The following TBL1X variants were observed in gnomAD, a reference collection of about 807,000 sequenced individuals.
The protein encoded by TBL1X is F-box-like/WD repeat-containing protein TBL1X.
A neutral mutation model predicts 50.7 loss-of-function variants in TBL1X; 10 were observed. The ratio of observed to expected loss-of-function variants is 0.20; its 90% CI spans 0.12 to 0.33. The LOEUF is 0.33. Ranked by LOEUF, TBL1X falls within the 10% of genes least tolerant of loss-of-function variation. The pLI is 1.00. For synonymous variants in TBL1X, 190 were observed against 214.7 expected (o/e 0.88, Z 1.01); for missense variants, 340 against 504.4 (o/e 0.67, Z 3.12).
intron 2 of TBL1X, among the ~76,000 whole-genome samples, chrX:9,523,960 CTTTTTTTTTT>C (rs63038662): frequency 2.5e-5 from 1 of 40,790 alleles, no homozygotes; most frequent in Admixed American, 3.9e-4. Context: ...TCATTTTAAC[CTTTTTTTTTT>C]TTTTTTTTTT....
chrX:9,699,254 A>T (rs1343025745), intron 12 of TBL1X, among the ~76,000 whole-genome samples: 1 of 111,172 alleles, frequency 9.0e-6, no homozygotes, highest in Admixed American at 9.5e-5. Flanking sequence ...ATGATTCTTC[A>T]TTTTCTTTCC....
chrX:9,701,569 TAAAAAAAAAAAAAAAAAAAA>T (rs63287561), intron 12 of TBL1X, among the ~76,000 whole-genome samples: 1 of 47,035 alleles, frequency 2.1e-5, no homozygotes, highest in African/African-American at 8.6e-5. Context: ...CTTGATGAGC[TAAAAAAAAAAAAAAAAAAAA>T]AAAAAAAGAA....
chrX:9,475,974 A>G (rs2081847203), intron 1 of TBL1X, among the ~76,000 whole-genome samples: 1 of 112,365 alleles, frequency 8.9e-6, no homozygotes, highest in Non-Finnish European at 1.9e-5. Context: ...ATTTCCGTGT[A>G]CCAGCAGGAT....
intron 2 of TBL1X, among the ~76,000 whole-genome samples, chrX:9,584,729 G>A (rs1244152734): frequency 8.9e-6 from 1 of 112,186 alleles, no homozygotes; most frequent in African/African-American, 3.2e-5. Context: ...ATTCATATAT[G>A]CTACATTGTG....
At chrX:9,712,437 A>G (rs1014713791) in intron 16 of TBL1X, among the ~76,000 whole-genome samples, 25 of 112,434 alleles carry the variant, frequency 2.2e-4, no homozygotes, top group Non-Finnish European at 3.8e-4. Context: ...TCCCAGATTC[A>G]AGCAAGTCTC....
At chrX:9,533,624 A>G (rs1396205958) in intron 2 of TBL1X, among the ~76,000 whole-genome samples, 1 of 111,104 alleles carries the variant, frequency 9.0e-6, no homozygotes, top group Non-Finnish European at 1.9e-5. Context: ...TTCCAAGGCA[A>G]AGAGGGACCT....
At chrX:9,529,966 A>G (rs993826952) in intron 2 of TBL1X, among the ~76,000 whole-genome samples, 1 of 110,615 alleles carries the variant, frequency 9.0e-6, no homozygotes, top group Non-Finnish European at 1.9e-5. Flanking sequence ...AGAAAGAGAG[A>G]AAGAAACCTC....
intron 2 of TBL1X, among the ~76,000 whole-genome samples, chrX:9,561,252 T>A (rs890849694): frequency 3.6e-5 from 4 of 111,857 alleles, no homozygotes; most frequent in African/African-American, 1.3e-4. Flanking sequence ...AGGGTAAGAA[T>A]CAGAAAGTTG....
At chrX:9,705,739 A>AAAAG (rs2083203437) in intron 13 of TBL1X, among the ~76,000 whole-genome samples, 5 of 109,934 alleles carry the variant, frequency 4.5e-5, no homozygotes, top group African/African-American at 1.3e-4. Flanking sequence ...AAAAAAAAAA[A>AAAAG]AAAAGAAAAG....
chrX:9,464,253 C>T (rs2081755059), upstream of TBL1X, among the ~76,000 whole-genome samples: 1 of 111,113 alleles, frequency 9.0e-6, no homozygotes, highest in Non-Finnish European at 1.9e-5. Flanking sequence ...AAGCACTTTG[C>T]AAGGGCCAGA....
At chrX:9,560,538 A>G (rs1208136011) in intron 2 of TBL1X, 4 of 112,477 alleles carry the variant, frequency 3.6e-5, no homozygotes. Context: ...TTAGCTCTGC[A>G]TGGACAGCTG....
At chrX:9,665,984 G>A (rs1195209210) in intron 5 of TBL1X, among the ~76,000 whole-genome samples, 4 of 111,518 alleles carry the variant, frequency 3.6e-5, no homozygotes, top group Non-Finnish European at 1.9e-5. Flanking sequence ...AGAGAAGCAT[G>A]CTGTCAGCCA....
intron 2 of TBL1X, among the ~76,000 whole-genome samples, chrX:9,528,474 G>T (rs1284159150): frequency 9.1e-6 from 1 of 110,320 alleles, no homozygotes; most frequent in Non-Finnish European, 1.9e-5. Flanking sequence ...GGAAGGAAGT[G>T]TCTCTGAAAT....
intron 2 of TBL1X, among the ~76,000 whole-genome samples, chrX:9,543,104 C>T (rs2082223495): frequency 8.9e-6 from 1 of 112,610 alleles, no homozygotes; most frequent in Non-Finnish European, 1.9e-5. Context: ...CAGCTTGAGA[C>T]GCACAGGGTG....
chrX:9,596,166 A>T (rs2082525632), intron 2 of TBL1X, among the ~76,000 whole-genome samples: 1 of 112,374 alleles, frequency 8.9e-6, no homozygotes, highest in Admixed American at 9.4e-5. Flanking sequence ...AGTGTGGGAG[A>T]ATATTGCAGA....
intron 1 of TBL1X, among the ~76,000 whole-genome samples, chrX:9,468,797 G>C (rs985454138): frequency 9.1e-6 from 1 of 109,912 alleles, no homozygotes; most frequent in Non-Finnish European, 1.9e-5. Flanking sequence ...GATTTCCCAG[G>C]CTCCTTGTAT....
chrX:9,631,474 C>T (rs1303104651), intron 2 of TBL1X, among the ~76,000 whole-genome samples: 1 of 112,386 alleles, frequency 8.9e-6, no homozygotes, highest in African/African-American at 3.2e-5. Context: ...GACTATACTT[C>T]ACAGTAAGCT....
At chrX:9,631,453 G>A (rs1210874771) in intron 2 of TBL1X, among the ~76,000 whole-genome samples, 8 of 111,987 alleles carry the variant, frequency 7.1e-5, no homozygotes, top group African/African-American at 1.3e-4. Context: ...CATAAATTGC[G>A]GCTTTTTTGT....
intron 2 of TBL1X, among the ~76,000 whole-genome samples, chrX:9,619,216 G>T (rs184029672): frequency 1.6e-3 from 182 of 112,551 alleles, no homozygotes; most frequent in South Asian, 2.5e-3. Flanking sequence ...CCCCCCGCAA[G>T]TCTGGCCTGA....
Sources: allele counts gnomAD v4.1 joint callset (sites outside exome capture counted in the v4.1 genomes callset), GRCh38; gene constraint gnomAD v4.1.1; transcripts MANE v1.5; gene names NCBI Gene and HGNC (gene_info 2026-07-23, HGNC 2026-07-21).